MDGA2: variants seen among roughly 807,000 people sequenced by gnomAD.
MDGA2 encodes the protein MAM domain containing glycosylphosphatidylinositol anchor 2.
Under a neutral mutation model 117.8 loss-of-function variants are expected in MDGA2, and 40 were observed. The observed-to-expected ratio is 0.34, with a 90% CI of 0.26 to 0.44. The LOEUF is 0.44. Among genes scored for constraint, MDGA2 ranks in the 20% least tolerant of loss-of-function variants. MDGA2 has a pLI of 1.00. For synonymous variants in MDGA2, 452 were observed against 439.0 expected (o/e 1.03, Z -0.37); for missense variants, 1,123 against 1,250.6 (o/e 0.90, Z 1.54).
At chr14:47,606,958 A>C (rs1896754153) in intron 1 of MDGA2, among the ~76,000 whole-genome samples, 1 of 152,152 alleles carries the variant, frequency 6.6e-6, no homozygotes, top group South Asian at 2.1e-4. Flanking sequence ...AAGAAAACAC[A>C]CGCACTGGTG....
chr14:47,562,776 G>A (rs1476402545), intron 1 of MDGA2, among the ~76,000 whole-genome samples: 1 of 151,918 alleles, frequency 6.6e-6, no homozygotes, highest in African/African-American at 2.4e-5. Context: ...TAGCTTTGGG[G>A]TTGGTTTGCT....
At chr14:46,933,063 AC>A (rs1884639547) in intron 9 of MDGA2, among the ~76,000 whole-genome samples, 1 of 151,860 alleles carries the variant, frequency 6.6e-6, no homozygotes, top group Non-Finnish European at 1.5e-5. Flanking sequence ...ATCTAACAAA[AC>A]CCCCACAGTA....
At chr14:47,516,995 C>T (rs1348208950) in intron 1 of MDGA2, among the ~76,000 whole-genome samples, 1 of 152,074 alleles carries the variant, frequency 6.6e-6, no homozygotes, top group Non-Finnish European at 1.5e-5. Flanking sequence ...TAGATACATT[C>T]ATTAGAGAAA....
chr14:47,379,392 C>T (rs1352935245), intron 1 of MDGA2, among the ~76,000 whole-genome samples: 1 of 152,060 alleles, frequency 6.6e-6, no homozygotes, highest in African/African-American at 2.4e-5. Flanking sequence ...TGTAAATGGG[C>T]TAAATGCTCC....
At chr14:47,605,577 A>T (rs2138889633) in intron 1 of MDGA2, among the ~76,000 whole-genome samples, 1 of 152,286 alleles carries the variant, frequency 6.6e-6, no homozygotes, top group Middle Eastern at 3.4e-3. Context: ...CAAATATTCA[A>T]GGCAGGAAAA....
intron 1 of MDGA2, among the ~76,000 whole-genome samples, chr14:47,306,737 C>T (rs72683805): frequency 0.01 from 1,582 of 152,014 alleles, 16 homozygotes; most frequent in South Asian, 0.029. Flanking sequence ...TCTCCTAGAA[C>T]CTCTAGTGAA....
At chr14:47,156,148 A>T (rs977296777) in intron 3 of MDGA2, among the ~76,000 whole-genome samples, 3 of 151,650 alleles carry the variant, frequency 2.0e-5, no homozygotes, top group Non-Finnish European at 4.4e-5. Context: ...ACCTCAAGTG[A>T]TCTGCCCACC....
chr14:47,066,722 T>TCAA (rs1890096999), intron 6 of MDGA2, among the ~76,000 whole-genome samples: 2 of 82,502 alleles, frequency 2.4e-5, no homozygotes, highest in Non-Finnish European at 4.9e-5. Flanking sequence ...GTTGATAATC[T>TCAA]GAAGATGGAA....
chr14:47,414,850 A>G (rs1353199036), intron 1 of MDGA2, among the ~76,000 whole-genome samples: 1 of 152,156 alleles, frequency 6.6e-6, no homozygotes, highest in Non-Finnish European at 1.5e-5. Flanking sequence ...AGACAAAAGC[A>G]AGCAAAAAAT....
intron 1 of MDGA2, among the ~76,000 whole-genome samples, chr14:47,606,264 G>C (rs1361878728): frequency 1.3e-5 from 2 of 152,066 alleles, no homozygotes; most frequent in African/African-American, 4.8e-5. Context: ...GTGCAAAGTT[G>C]ATCTACCAGC....
At chr14:46,873,910 A>C (rs1882118926) in intron 13 of MDGA2, 135 bp downstream of exon 13, 2 of 783,498 alleles carry the variant, frequency 2.6e-6, no homozygotes, top group Non-Finnish European at 3.7e-6. Flanking sequence ...TAAATATCTA[A>C]ATTGATACTG....
chr14:46,937,672 G>C (rs7143505), intron 9 of MDGA2, among the ~76,000 whole-genome samples: 5 of 152,070 alleles, frequency 3.3e-5, no homozygotes, highest in African/African-American at 9.7e-5. Flanking sequence ...ACTGATTTTT[G>C]ACAAAGGTGC....
rs1037817903 is a variant in MDGA2 at position 47,247,445 on chromosome 14, C to T, written c.421-29250G>A. Among the ~76,000 whole-genome samples the T allele has an allele frequency of 6.6e-5, 10 of 150,988 alleles. No homozygotes were observed. The South Asian group carries it at 1.3e-3, about 19-fold the overall frequency. On this transcript the variant is annotated intron_variant, in intron 2 of 16. Transcript: ENST00000399232. The stretch of plus-strand genomic sequence containing the variant: ...TCCGCCTCCTTGGTAGCTGGAAGTA[C>T]AGGCACCTGCCACCATGCCCGCTAA...
At chr14:47,665,932 G>A (rs1217262352) in intron 1 of MDGA2, among the ~76,000 whole-genome samples, 2 of 151,424 alleles carry the variant, frequency 1.3e-5, no homozygotes, top group Non-Finnish European at 2.9e-5. Context: ...CTGCCCAAGG[G>A]CTGAGGAGTG....
chr14:47,296,020 A>C (rs1889060573), intron 2 of MDGA2, among the ~76,000 whole-genome samples: 1 of 152,178 alleles, frequency 6.6e-6, no homozygotes, highest in Admixed American at 6.5e-5. Flanking sequence ...TGGTACAGAA[A>C]AGAATAACAG....
At chr14:47,376,942 A>G (rs1321804362) in intron 1 of MDGA2, among the ~76,000 whole-genome samples, 1 of 152,192 alleles carries the variant, frequency 6.6e-6, no homozygotes, top group Non-Finnish European at 1.5e-5. Flanking sequence ...GTAAAGTAAC[A>G]ATAAGAGTGC....
intron 1 of MDGA2, among the ~76,000 whole-genome samples, chr14:47,595,386 T>C: frequency 6.6e-6 from 1 of 151,538 alleles, no homozygotes; most frequent in East Asian, 1.9e-4. Context: ...AATACAAAAA[T>C]AGCTGGGCAC....
At chr14:47,630,822 A>G (rs1406755008) in intron 1 of MDGA2, among the ~76,000 whole-genome samples, 1 of 152,216 alleles carries the variant, frequency 6.6e-6, no homozygotes, top group East Asian at 1.9e-4. Flanking sequence ...ATTCTTTTCT[A>G]TCTGGATACA....
intron 3 of MDGA2, among the ~76,000 whole-genome samples, chr14:47,199,486 A>G (rs1885411520): frequency 6.6e-6 from 1 of 152,192 alleles, no homozygotes; most frequent in Non-Finnish European, 1.5e-5. Context: ...AACTTTTATC[A>G]GAAATGAAGA....
Sources: gnomAD v4.1 joint callset for allele counts (sites outside exome capture counted in the v4.1 genomes callset) on GRCh38, gnomAD v4.1.1 for gene constraint, MANE v1.5 for transcripts, NCBI Gene and HGNC (gene_info 2026-07-23, HGNC 2026-07-21) for gene names.